TRANK1: variants seen among roughly 807,000 people sequenced by gnomAD.
TRANK1 encodes the protein TPR and ankyrin repeat-containing protein 1.
TRANK1 carries 198 observed loss-of-function variants against 266.0 expected under a neutral mutation model. The observed-to-expected ratio is 0.74, with a 90% confidence interval of 0.66 to 0.84. The LOEUF (loss-of-function observed/expected upper bound fraction) is 0.84, where lower values mean the gene tolerates loss of function less well. TRANK1 is among the 40% of genes least tolerant of loss of function. The probability of loss-of-function intolerance (pLI) is 0.00; values close to 1 mark genes in which losing one functional copy is unlikely to be tolerated. For missense variants in TRANK1, 3,326 were observed against 3,634.6 expected (o/e 0.92, Z 2.18); for synonymous variants, 1,396 against 1,384.1 (o/e 1.01, Z -0.19).
chr3:36,903,889 T>G (rs1191745414), intron 2 of TRANK1, among the ~76,000 whole-genome samples: 1 of 152,084 alleles, frequency 6.6e-6, no homozygotes, highest in African/African-American at 2.4e-5. Context: ...AACCACAATA[T>G]GTCAAGAGAA....
chr3:36,909,970 G>A (rs541398537), intron 1 of TRANK1, among the ~76,000 whole-genome samples: 4 of 152,168 alleles, frequency 2.6e-5, no homozygotes, highest in Non-Finnish European at 5.9e-5. Flanking sequence ...AATATTGTCG[G>A]CCATTTGTCC....
intron 3 of TRANK1, among the ~76,000 whole-genome samples, chr3:36,900,888 T>C (rs1469550055): frequency 2.8e-5 from 2 of 71,300 alleles, no homozygotes; most frequent in East Asian, 5.9e-4. Context: ...ATAACAGGTG[T>C]TCACCAACTG....
intron 7 of TRANK1, among the ~76,000 whole-genome samples, chr3:36,891,909 C>T (rs2079702009): frequency 6.6e-6 from 1 of 152,166 alleles, no homozygotes; most frequent in African/African-American, 2.4e-5. Context: ...TGCCCAGCAA[C>T]AGCTGTCTGT....
chr3:36,908,373 G>A lies in TRANK1; in HGVS notation c.105C>T (p.Ile35=), dbSNP rs1376637901. The A allele has an allele frequency of 2.4e-6, 3 of 1,232,102 alleles. No individual in the cohort carries two copies. Among genetic ancestry groups the A allele is most frequent in the Non-Finnish European group, 3.0e-6 (3 of 988,010 alleles). 76.3% of individuals were successfully genotyped at this position (1,232,102 alleles called of 1,614,324 possible). ...TCTGGATGGCTTCATCGTACTTTCT[G>A]ATGGCCAAAGAGAAGTTCCCATTCT... ...VLKNGNFSLA[I]RKYDEAIQIL... is the part of the protein sequence containing the mutation. The change falls in exon 2 of 24, where the codon ATC becomes ATT. Residue 35 remains isoleucine (I), a synonymous_variant. Coordinates refer to ENST00000645898, the MANE Select transcript of TRANK1 (RefSeq NM_001329998.2).
chr3:36,879,697 A>AAT lies in TRANK1; in HGVS notation c.908-5403_908-5402dup, dbSNP rs1163957010. 2.0e-4 allele frequency among the ~76,000 whole-genome samples: 16 copies of AAT among 78,636 alleles called. 3 individuals carry two copies. In the East Asian group the frequency reaches 2.5e-3, roughly 12 times the overall value. 51.6% of individuals were successfully genotyped at this position (78,636 alleles called of 152,430 possible). ...AAATATATAAATATATAAATATATA[A>AAT]ATATAAATATAAATATATAAATATA... On this transcript the variant is annotated intron_variant, in intron 8 of 23. Coordinates refer to ENST00000645898, the MANE Select transcript of TRANK1 (RefSeq NM_001329998.2).
intron 3 of TRANK1, among the ~76,000 whole-genome samples, chr3:36,901,055 C>CA (rs2079873473): frequency 6.7e-6 from 1 of 148,858 alleles, no homozygotes. Flanking sequence ...TCTAACTAGG[C>CA]AAGCTGATAA....
At chr3:36,913,385 G>T (rs1320128033) in intron 1 of TRANK1, among the ~76,000 whole-genome samples, 1 of 149,490 alleles carries the variant, frequency 6.7e-6, no homozygotes, top group African/African-American at 2.5e-5. Context: ...TTTCTTTCTT[G>T]CCTGTTTGCT....
intron 8 of TRANK1, among the ~76,000 whole-genome samples, chr3:36,875,644 C>T (rs764650734): frequency 6.6e-6 from 1 of 152,206 alleles, no homozygotes; most frequent in Non-Finnish European, 1.5e-5. Flanking sequence ...TAGTATACTG[C>T]CCCAAAGGGG....
At chr3:36,896,277 C>G (rs1339192627) in intron 4 of TRANK1, among the ~76,000 whole-genome samples, 1 of 152,212 alleles carries the variant, frequency 6.6e-6, no homozygotes, top group Non-Finnish European at 1.5e-5. Flanking sequence ...TTCTTCTGAC[C>G]TGGTGGCCCA....
chr3:36,887,442 A>G (rs1257598556), intron 8 of TRANK1, among the ~76,000 whole-genome samples: 1 of 152,220 alleles, frequency 6.6e-6, no homozygotes, highest in Admixed American at 6.5e-5. Flanking sequence ...TATACTAAAA[A>G]TAAAATATAA....
intron 1 of TRANK1, among the ~76,000 whole-genome samples, chr3:36,942,482 CAAA>C (rs565174922): frequency 5.0e-5 from 4 of 79,942 alleles, no homozygotes; most frequent in Non-Finnish European, 7.1e-5. Flanking sequence ...TCTTCTTCCT[CAAA>C]AAAAAAAAAA....
chr3:36,908,229 A>G (rs932908140), intron 2 of TRANK1, 94 bp downstream of exon 2: 36 of 1,212,662 alleles, frequency 3.0e-5, no homozygotes, highest in Non-Finnish European at 3.3e-5. Context: ...GAAAACAGAA[A>G]CAGGGTGGAA....
At position 36,826,958 on chromosome 3, in the gene TRANK1, G is replaced by C. The variant is rs904579018; in HGVS notation, c.*1317C>G. On this transcript the variant is annotated 3_prime_UTR_variant, in exon 24 of 24. Transcript: ENST00000645898. ...ATAATCTAAGAAAAATTGGAAACAA[G>C]CATTTCAAGGAAACAATTTGGAAAG... 6.6e-6 allele frequency: 1 copy of C among 152,104 alleles called. No individual in the cohort carries two copies. Among genetic ancestry groups the C allele is most frequent in the Non-Finnish European group, 1.5e-5 (1 of 68,008 alleles). 9.4% of individuals were successfully genotyped at this position (152,104 alleles called of 1,614,324 possible). A position where few individuals can be genotyped will look rare whatever the true frequency, so the allele number is the denominator to read the frequency against.
rs967391891 is a variant in TRANK1, at chr3:36,834,613, A to G, written c.5663+149T>C. 1.0e-5 allele frequency: 8 copies of G among 797,692 alleles called. No homozygotes were observed. In the African/African-American group the frequency reaches 1.2e-4, roughly 12 times the overall value. 49.4% of individuals were successfully genotyped at this position (797,692 alleles called of 1,614,324 possible). A position where few individuals can be genotyped will look rare whatever the true frequency, so the allele number is the denominator to read the frequency against. On this transcript the variant is annotated intron_variant, in intron 21 of 23. Coordinates refer to ENST00000645898, the MANE Select transcript of TRANK1 (RefSeq NM_001329998.2). ...GAGTCCTGCTCTCAAAGAGCTGCTG[A>G]CCCAGCACTGAGGCCATCGCTTAAG...
chr3:36,869,144 C>G (rs2079269600), intron 9 of TRANK1, among the ~76,000 whole-genome samples: 1 of 152,238 alleles, frequency 6.6e-6, no homozygotes, highest in South Asian at 2.1e-4. Flanking sequence ...CTGGCTTGCC[C>G]TGGCAGCTAG....
intron 3 of TRANK1, among the ~76,000 whole-genome samples, chr3:36,900,653 AC>A (rs2079860932): frequency 6.6e-6 from 1 of 151,854 alleles, no homozygotes; most frequent in Admixed American, 6.6e-5. Flanking sequence ...AGGCAGGAGG[AC>A]TGCTTGAGCC....
Position 36,828,168 on chromosome 3 carries a change from T to TCTA in TRANK1, c.*106_*107insTAG. On this transcript the variant is annotated 3_prime_UTR_variant, in exon 24 of 24. Coordinates refer to ENST00000645898, the MANE Select transcript of TRANK1 (RefSeq NM_001329998.2). The stretch of plus-strand genomic sequence containing the variant: ...GCAATGGTGTTGTTAGACTCCCCTA[T>TCTA]TTTTAAAATGCTAATTCACATTCTT... The TCTA allele has an allele frequency of 6.1e-6, 5 of 823,186 alleles. No homozygotes were observed. Among genetic ancestry groups the TCTA allele is most frequent in the Non-Finnish European group, 5.9e-6 (3 of 508,530 alleles). 51.0% of individuals were successfully genotyped at this position (823,186 alleles called of 1,614,324 possible).
At chr3:36,892,852 C>T (rs539796944) in intron 6 of TRANK1, 49 bp downstream of exon 6, 21 of 582,008 alleles carry the variant, frequency 3.6e-5, no homozygotes, top group African/African-American at 1.1e-4. Flanking sequence ...CAAAACAAAA[C>T]ATATATATAT....
intron 7 of TRANK1, among the ~76,000 whole-genome samples, chr3:36,890,310 G>A (rs2125603205): frequency 6.6e-6 from 1 of 152,304 alleles, no homozygotes; most frequent in Non-Finnish European, 1.5e-5. Context: ...AGGGGAAGCA[G>A]CTAAGCAAGG....
Sources: allele counts gnomAD v4.1 joint callset (sites outside exome capture counted in the v4.1 genomes callset), GRCh38; gene constraint gnomAD v4.1.1; transcripts MANE v1.5; gene names NCBI Gene and HGNC (gene_info 2026-07-23, HGNC 2026-07-21).